Variants in DSCAM observed in about 807,000 individuals in gnomAD.
DSCAM encodes the protein DS cell adhesion molecule.
A neutral mutation model predicts 217.7 loss-of-function variants in DSCAM; 47 were observed. That is an observed-to-expected ratio of 0.22 (90% CI 0.17 to 0.28). The LOEUF (loss-of-function observed/expected upper bound fraction) is 0.28. Ranked by LOEUF, DSCAM falls within the 10% of genes least tolerant of loss-of-function variation. DSCAM has a pLI of 1.00. For synonymous variants in DSCAM, 1,056 were observed against 1,015.3 expected, an observed-to-expected ratio of 1.04 and a Z score of -0.76; for missense variants, 2,080 against 2,618.3, an observed-to-expected ratio of 0.79 and a Z score of 4.49.
rs564394032 is a variant in DSCAM at position 40,144,801 on chromosome 21, C to T, written c.3019-70G>A. The T allele has an allele frequency of 8.2e-6, 13 of 1,592,658 alleles. No individual in the cohort carries two copies. Among genetic ancestry groups the T allele is most frequent in the East Asian group, 4.5e-5 (2 of 44,640 alleles). On this transcript the variant is annotated intron_variant, in intron 16 of 32. Coordinates refer to ENST00000400454, the MANE Select transcript of DSCAM (RefSeq NM_001389.5). This position sits in a 1 kb window ranked among gnomAD's most constrained non-coding sequence, Gnocchi z 4.8. ...GACAAGAGCGAAATCAACGCCCACA[C>T]CCACGTAGGAAAGCAGAAATAAAGT... is the stretch of plus-strand genomic sequence containing the variant.
At chr21:40,404,739 G>A (rs998095858) in intron 3 of DSCAM, among the ~76,000 whole-genome samples, 13 of 152,216 alleles carry the variant, frequency 8.5e-5, no homozygotes, top group Admixed American at 5.9e-4. Flanking sequence ...GGAGGAAGGC[G>A]TGGTCCCTCC....
chr21:40,092,680 T>G lies in DSCAM; in HGVS notation c.3850+1041A>C, dbSNP rs371980156. The stretch of plus-strand genomic sequence containing the variant: ...TTTTTTGTTTGTTTGTTTTTGTTGT[T>G]TTTTTGGTAAATCCCACAGCTCAGT... On this transcript the variant is annotated intron_variant, in intron 21 of 32. Transcript: ENST00000400454. Among the ~76,000 whole-genome samples, 3 of 152,356 alleles carry G rather than the reference T, an allele frequency of 2.0e-5. No individual in the cohort carries two copies. The South Asian group carries it at 6.2e-4, about 32-fold the overall frequency.
chr21:40,071,996 C>T (rs912333742), intron 27 of DSCAM, among the ~76,000 whole-genome samples: 15 of 152,190 alleles, frequency 9.9e-5, no homozygotes, highest in Non-Finnish European at 2.2e-4. Flanking sequence ...CCTTTACCAC[C>T]CTCACCTCTG....
At chr21:40,613,911 T>A (rs765208974) in intron 3 of DSCAM, among the ~76,000 whole-genome samples, 13 of 152,170 alleles carry the variant, frequency 8.5e-5, no homozygotes, top group Non-Finnish European at 1.2e-4. Context: ...ATGGGATAAT[T>A]AGAAAAGGAA....
chr21:40,563,526 T>C (rs2076737113), intron 3 of DSCAM, among the ~76,000 whole-genome samples: 1 of 123,312 alleles, frequency 8.1e-6, no homozygotes. Context: ...AAAATATATC[T>C]ATTTGTTTAT....
chr21:40,218,955 G>T (rs2091267161), intron 11 of DSCAM, among the ~76,000 whole-genome samples: 1 of 152,030 alleles, frequency 6.6e-6, no homozygotes, highest in Admixed American at 6.6e-5. Context: ...TTCCTATTTG[G>T]ATGCCCTTTA....
In DSCAM at chr21:40,062,892, CTT is replaced by C; in HGVS notation, c.4894_4895del (p.Lys1632GlufsTer4). On this transcript the variant is annotated frameshift_variant, in exon 28 of 33. Transcript: ENST00000400454. LOFTEE classifies it high-confidence loss of function. The stretch of plus-strand genomic sequence containing the variant: ...ACCTCATGAGCATTTCAGCTAAACT[CTT>C]TGCATCTGGGGAAAGAAAGTTAACA... ...EQRLKRLRDA[K>X]SLAEMLMSKN... is the part of the protein sequence containing the mutation. 1.3e-6 allele frequency: 2 copies of C among 1,598,314 alleles called. No homozygotes were observed. The highest frequency in any genetic ancestry group is 8.5e-7 in the Non-Finnish European group (1 of 1,174,984).
intron 30 of DSCAM, among the ~76,000 whole-genome samples, chr21:40,046,705 T>TTAAG (rs1456642630): frequency 6.6e-6 from 1 of 152,160 alleles, no homozygotes; most frequent in African/African-American, 2.4e-5. Flanking sequence ...TTATTCTTCT[T>TTAAG]TAAGTTTCTT....
chr21:40,513,532 G>A (rs1188837740), intron 3 of DSCAM, among the ~76,000 whole-genome samples: 1 of 152,158 alleles, frequency 6.6e-6, no homozygotes. Flanking sequence ...TGAAAAGGGA[G>A]CAGGTGGGTC....
intron 1 of DSCAM, among the ~76,000 whole-genome samples, chr21:40,800,561 T>C (rs2091730562): frequency 6.6e-6 from 1 of 152,094 alleles, no homozygotes; most frequent in South Asian, 2.1e-4. Flanking sequence ...AAACAAGGTA[T>C]TGAAATTTTG....
At chr21:40,291,724 T>C (rs1380207256) in intron 10 of DSCAM, among the ~76,000 whole-genome samples, 1 of 152,170 alleles carries the variant, frequency 6.6e-6, no homozygotes, top group East Asian at 1.9e-4. Context: ...ATTTTGACAA[T>C]GCTATTTTAA....
chr21:40,145,738 G>A (rs2090347617), intron 16 of DSCAM, among the ~76,000 whole-genome samples: 1 of 152,068 alleles, frequency 6.6e-6, no homozygotes, highest in Non-Finnish European at 1.5e-5. Context: ...CCAGCTACCT[G>A]GGAGGCTAAA....
At chr21:40,642,177 T>C (rs2089890705) in intron 3 of DSCAM, among the ~76,000 whole-genome samples, 2 of 152,154 alleles carry the variant, frequency 1.3e-5, no homozygotes, top group East Asian at 3.8e-4. Flanking sequence ...GCCCTGGCTG[T>C]TGGACTCCAC....
intron 9 of DSCAM, among the ~76,000 whole-genome samples, chr21:40,298,966 C>A (rs2073985394): frequency 6.6e-6 from 1 of 151,864 alleles, no homozygotes; most frequent in Non-Finnish European, 1.5e-5. Flanking sequence ...AAAAACGGTC[C>A]CTAAATTAGT....
At chr21:40,611,617 G>T (rs972324553) in intron 3 of DSCAM, among the ~76,000 whole-genome samples, 2 of 152,150 alleles carry the variant, frequency 1.3e-5, no homozygotes, top group African/African-American at 4.8e-5. Context: ...ATTTCACAAA[G>T]TTGGTGTCAT....
In DSCAM at chr21:40,811,261, C is replaced by T. The variant is rs540492161; in HGVS notation, c.43+35358G>A. Among the ~76,000 whole-genome samples the T allele has an allele frequency of 1.9e-4, 29 of 152,220 alleles. 1 individual carries two copies. The highest frequency in any genetic ancestry group is 1.4e-3 in the Admixed American group (21 of 15,280). On this transcript the variant is annotated intron_variant, in intron 1 of 32. Coordinates refer to ENST00000400454, the MANE Select transcript of DSCAM (RefSeq NM_001389.5). ...GATATTTAAATACAAACAGACTTTT[C>T]GAGGGTGTTATATATTAGCCAGAAC...
chr21:40,167,129 CGA>C (rs754778809), intron 16 of DSCAM, 87 bp downstream of exon 16: 9 of 1,157,502 alleles, frequency 7.8e-6, no homozygotes, highest in East Asian at 4.9e-5. Context: ...TTGTAAAATT[CGA>C]GAGTCTTGGT....
chr21:40,430,863 G>A (rs1489996005), intron 3 of DSCAM, among the ~76,000 whole-genome samples: 6 of 152,184 alleles, frequency 3.9e-5, no homozygotes, highest in African/African-American at 7.2e-5. Context: ...CACACAGCAC[G>A]TGCTTCACAC....
chr21:40,694,484 G>C (rs2090574868), intron 2 of DSCAM, among the ~76,000 whole-genome samples: 1 of 152,208 alleles, frequency 6.6e-6, no homozygotes, highest in African/African-American at 2.4e-5. Context: ...CTAACCTTGT[G>C]ATATGCTGAG....
Sources: gnomAD v4.1 joint callset for allele counts (sites outside exome capture counted in the v4.1 genomes callset) on GRCh38, gnomAD v4.1.1 for gene constraint, Gnocchi (gnomAD v3.1) non-coding constraint, MANE v1.5 for transcripts, NCBI Gene and HGNC (gene_info 2026-07-23, HGNC 2026-07-21) for gene names.